The following GRM5 variants were observed in gnomAD, a reference collection of about 807,000 sequenced individuals.
The protein encoded by GRM5 is glutamate metabotropic receptor 5, also known as metabotropic glutamate receptor 5.
In GRM5, 19 loss-of-function variants were observed where a neutral mutation model predicts 83.1. The observed-to-expected ratio is 0.23, with a 90% CI of 0.16 to 0.34. The LOEUF is 0.34. GRM5 is among the 10% of genes least tolerant of loss of function. The pLI is 1.00. For synonymous variants in GRM5, 675 were observed against 633.6 expected (o/e 1.07, Z -0.98); for missense variants, 1,160 against 1,588.3 (o/e 0.73, Z 4.58).
At chr11:88,535,214 G>A (rs929042863) in intron 8 of GRM5, among the ~76,000 whole-genome samples, 2 of 151,960 alleles carry the variant, frequency 1.3e-5, no homozygotes, top group African/African-American at 2.4e-5. Context: ...TTACCTTCAC[G>A]ATGTAGACAC....
At chr11:89,053,771 C>T in intron 1 of GRM5, among the ~76,000 whole-genome samples, 1 of 150,702 alleles carries the variant, frequency 6.6e-6, no homozygotes, top group East Asian at 1.9e-4. Flanking sequence ...GAAGCATAAA[C>T]TGAAAAAATA....
At chr11:88,524,155 C>T (rs1437416976) in intron 9 of GRM5, 1 of 148,076 alleles carries the variant, frequency 6.8e-6, no homozygotes, top group Non-Finnish European at 1.5e-5. Flanking sequence ...TCAATCTTGA[C>T]TTTGTCTCCA....
chr11:88,607,703 C>T (rs749497145), intron 4 of GRM5, among the ~76,000 whole-genome samples: 11 of 152,162 alleles, frequency 7.2e-5, no homozygotes, highest in African/African-American at 1.4e-4. Flanking sequence ...TAAATTATTC[C>T]GCCCTAGACA....
At chr11:88,837,479 G>C (rs544462571) in intron 3 of GRM5, among the ~76,000 whole-genome samples, 94 of 152,240 alleles carry the variant, frequency 6.2e-4, no homozygotes, top group African/African-American at 2.2e-3. Context: ...GTTAAATAAA[G>C]ATCACTCTAT....
intron 3 of GRM5, among the ~76,000 whole-genome samples, chr11:88,758,319 G>A (rs1297178779): frequency 6.6e-6 from 1 of 152,184 alleles, no homozygotes; most frequent in Non-Finnish European, 1.5e-5. Flanking sequence ...CCCAATCCAA[G>A]GAAGCTAAGA....
At chr11:89,025,099 T>C (rs866694056) in intron 2 of GRM5, among the ~76,000 whole-genome samples, 2 of 152,240 alleles carry the variant, frequency 1.3e-5, no homozygotes, top group African/African-American at 4.8e-5. Flanking sequence ...CTTCATTTTT[T>C]CTTCTGTATC....
intron 4 of GRM5, among the ~76,000 whole-genome samples, chr11:88,627,388 G>C (rs1391141370): frequency 6.6e-6 from 1 of 151,986 alleles, no homozygotes; most frequent in African/African-American, 2.4e-5. Flanking sequence ...ACATATTTTA[G>C]GTCTGATGGA....
At chr11:88,573,295 C>T (rs943595938) in intron 7 of GRM5, among the ~76,000 whole-genome samples, 2 of 152,172 alleles carry the variant, frequency 1.3e-5, no homozygotes, top group African/African-American at 4.8e-5. Flanking sequence ...GGATGATCTA[C>T]TGATTTTCTG....
intron 7 of GRM5, among the ~76,000 whole-genome samples, chr11:88,585,142 C>A (rs931478314): frequency 6.6e-6 from 1 of 152,194 alleles, no homozygotes; most frequent in Non-Finnish European, 1.5e-5. Flanking sequence ...TTTACTTATG[C>A]CCTTTGTCCT....
chr11:88,736,499 C>A (rs1941916884), intron 3 of GRM5, among the ~76,000 whole-genome samples: 1 of 152,008 alleles, frequency 6.6e-6, no homozygotes, highest in African/African-American at 2.4e-5. Flanking sequence ...ATTTTGGAGC[C>A]CACCTTTACT....
intron 3 of GRM5, among the ~76,000 whole-genome samples, chr11:88,667,908 G>A (rs1485673886): frequency 2.7e-5 from 4 of 150,348 alleles, no homozygotes; most frequent in East Asian, 3.9e-4. Flanking sequence ...AAAAAAAAAA[G>A]AAAAAAAATG....
At chr11:88,867,654 G>A (rs552471241) in intron 2 of GRM5, among the ~76,000 whole-genome samples, 2 of 151,492 alleles carry the variant, frequency 1.3e-5, no homozygotes, top group African/African-American at 4.8e-5. Context: ...TCATATGGGT[G>A]GTCCCTAATC....
At chr11:89,046,471 G>A (rs1410962903) in intron 2 of GRM5, among the ~76,000 whole-genome samples, 1 of 151,548 alleles carries the variant, frequency 6.6e-6, no homozygotes, top group Admixed American at 6.6e-5. Context: ...AAACAGCCAT[G>A]GTCAAGAACT....
chr11:88,914,903 A>G (rs929174535), intron 2 of GRM5, among the ~76,000 whole-genome samples: 1 of 152,180 alleles, frequency 6.6e-6, no homozygotes, highest in African/African-American at 2.4e-5. Flanking sequence ...TTATTCATAG[A>G]AAATTATCTA....
chr11:88,513,455 C>G (rs1941436815), intron 9 of GRM5, among the ~76,000 whole-genome samples: 1 of 152,150 alleles, frequency 6.6e-6, no homozygotes, highest in Non-Finnish European at 1.5e-5. Flanking sequence ...TATGGATCTA[C>G]TTTTACTTCT....
intron 3 of GRM5, among the ~76,000 whole-genome samples, chr11:88,716,961 G>A (rs1286792445): frequency 6.6e-6 from 1 of 151,906 alleles, no homozygotes; most frequent in Admixed American, 6.6e-5. Flanking sequence ...GTTCAGGTGT[G>A]GCTAACTCAA....
chr11:88,972,755 T>C (rs1311310885), intron 2 of GRM5, among the ~76,000 whole-genome samples: 2 of 152,128 alleles, frequency 1.3e-5, no homozygotes, highest in Non-Finnish European at 2.9e-5. Context: ...ATAATGATTA[T>C]TTATTGATAA....
intron 3 of GRM5, among the ~76,000 whole-genome samples, chr11:88,752,361 A>G (rs541180185): frequency 2.6e-5 from 4 of 152,176 alleles, no homozygotes; most frequent in Non-Finnish European, 5.9e-5. Flanking sequence ...AATTGCTACA[A>G]AAAGAATAAA....
intron 9 of GRM5, among the ~76,000 whole-genome samples, chr11:88,513,690 A>G (rs1466607388): frequency 6.6e-6 from 1 of 152,134 alleles, no homozygotes; most frequent in Non-Finnish European, 1.5e-5. Flanking sequence ...CTGACTCAGA[A>G]TGATGTTGAG....
Sources: gnomAD v4.1 joint callset for allele counts (sites outside exome capture counted in the v4.1 genomes callset) on GRCh38, gnomAD v4.1.1 for gene constraint, MANE v1.5 for transcripts, NCBI Gene and HGNC (gene_info 2026-07-23, HGNC 2026-07-21) for gene names.